HDX: variants seen among roughly 807,000 people sequenced by gnomAD.
The protein encoded by HDX is highly divergent homeobox.
HDX carries 19 observed loss-of-function variants against 45.2 expected under a neutral mutation model. The ratio of observed to expected loss-of-function variants is 0.42; its 90% CI spans 0.29 to 0.62. The LOEUF (loss-of-function observed/expected upper bound fraction) is 0.62, where lower values mean the gene tolerates loss of function less well. HDX is among the 20% of genes least tolerant of loss of function. HDX has a pLI of 0.20. For synonymous variants in HDX, 188 were observed against 172.8 expected (o/e 1.09, Z -0.69); for missense variants, 532 against 493.9 (o/e 1.08, Z -0.73).
intron 10 of HDX, among the ~76,000 whole-genome samples, chrX:84,324,791 A>G (rs768645036): frequency 2.2e-4 from 24 of 110,715 alleles, no homozygotes; most frequent in Admixed American, 7.8e-4. Context: ...ATTCACAACC[A>G]TGCTATGACT....
At chrX:84,332,166 G>A (rs985842205) in intron 9 of HDX, among the ~76,000 whole-genome samples, 3 of 110,971 alleles carry the variant, frequency 2.7e-5, no homozygotes, top group African/African-American at 6.5e-5. Flanking sequence ...CTTTCCCTTA[G>A]AAGTAACAAA....
chrX:84,403,013 T>C (rs1286465119), intron 5 of HDX, among the ~76,000 whole-genome samples: 1 of 111,706 alleles, frequency 9.0e-6, no homozygotes, highest in Admixed American at 9.6e-5. Context: ...AATTATATTT[T>C]TTAGTTTGAA....
At chrX:84,493,906 G>A (rs1174092028) in intron 1 of HDX, among the ~76,000 whole-genome samples, 2 of 111,241 alleles carry the variant, frequency 1.8e-5, no homozygotes, top group African/African-American at 6.5e-5. Context: ...GGAATGGATA[G>A]CCCATTTTCC....
intron 5 of HDX, among the ~76,000 whole-genome samples, chrX:84,423,277 AAACT>A (rs984019103): frequency 2.0e-3 from 219 of 110,431 alleles, no homozygotes; most frequent in African/African-American, 6.5e-3. Flanking sequence ...AAAAACAAAC[AAACT>A]AACTAACAAC....
chrX:84,361,424 C>T (rs1443912750), intron 6 of HDX, 42 bp downstream of exon 6: 1 of 1,148,284 alleles, frequency 8.7e-7, no homozygotes, highest in Non-Finnish European at 1.2e-6. Flanking sequence ...TCATTTATGC[C>T]ATTCAGCAAC....
chrX:84,494,693 T>G (rs1033241449), intron 1 of HDX, among the ~76,000 whole-genome samples: 1 of 111,687 alleles, frequency 9.0e-6, no homozygotes, highest in Non-Finnish European at 1.9e-5. Context: ...AAGCATAAAT[T>G]TATCCCCATT....
Position 84,383,310 on chromosome X carries a change from A to G in HDX, c.1306-21698T>C, listed in dbSNP as rs184731594. On this transcript the variant is annotated intron_variant, in intron 5 of 10. Transcript: ENST00000373177. The stretch of plus-strand genomic sequence containing the variant: ...TTTGTAATACTTCACATAAATTTTG[A>G]AATGTTATTTCATAATTGGTAATTG... Among the ~76,000 whole-genome samples, 463 of 111,752 alleles carry G rather than the reference A, an allele frequency of 4.1e-3. 4 individuals carry two copies. Among genetic ancestry groups the G allele is most frequent in the Non-Finnish European group, 6.0e-3 (316 of 52,989 alleles).
chrX:84,415,808 CACAA>C (rs1306050236), intron 5 of HDX, among the ~76,000 whole-genome samples: 4 of 111,902 alleles, frequency 3.6e-5, no homozygotes, highest in East Asian at 5.6e-4. Context: ...CCACAATTTC[CACAA>C]AGATAACAGT....
intron 4 of HDX, among the ~76,000 whole-genome samples, chrX:84,452,415 T>C (rs138879053): frequency 0.014 from 1,471 of 107,894 alleles, 36 homozygotes; most frequent in African/African-American, 0.048. Flanking sequence ...TTACAATAAC[T>C]ACAAAAAATA....
chrX:84,319,823 A>AC lies in HDX; in HGVS notation c.*2065_*2066insG, dbSNP rs2036565010. The AC allele has an allele frequency of 1.8e-5, 2 of 111,422 alleles. No homozygotes were observed. Among genetic ancestry groups the AC allele is most frequent in the Non-Finnish European group, 3.8e-5 (2 of 52,622 alleles). The allele number at this position is 111,422 out of a possible 1,213,427, so 9.2% of individuals were successfully genotyped here. On this transcript the variant is annotated 3_prime_UTR_variant, in exon 11 of 11. Coordinates refer to ENST00000373177, the MANE Select transcript of HDX (RefSeq NM_001177479.2). ...TTGTGATGTTTACAGCTTGCTGAGA[A>AC]ATCCAATGTCCAGCACAGTGTCTTC...
chrX:84,361,480 A>C lies in HDX; in HGVS notation c.1438T>G (p.Cys480Gly). Residue 480 changes from cysteine (C) to glycine (G), a missense_variant, in exon 6 of 11, where the codon TGT becomes GGT. By Grantham distance (159) the Cys-to-Gly change is radical. Coordinates refer to ENST00000373177, the MANE Select transcript of HDX (RefSeq NM_001177479.2). The part of the protein sequence containing the change: ...EAVATELNVD[C>G]EIVRTWIGNR... ...AAATGTCTTACCCGAACTATTTCACAGTCAACATTTAATTCAGTTGCCACA... is the reference window on the plus strand; with the variant it reads ...AAATGTCTTACCCGAACTATTTCACCGTCAACATTTAATTCAGTTGCCACA... 8.3e-7 allele frequency: 1 copy of C among 1,208,026 alleles called. No homozygotes were observed. Among genetic ancestry groups the C allele is most frequent in the Non-Finnish European group, 1.1e-6 (1 of 892,903 alleles).
At chrX:84,376,214 G>A (rs762834833) in intron 5 of HDX, among the ~76,000 whole-genome samples, 6 of 112,228 alleles carry the variant, frequency 5.3e-5, no homozygotes, top group East Asian at 5.6e-4. Context: ...CCCTTAGGCC[G>A]CGAATAGCTA....
chrX:84,338,918 C>T (rs2037025427), intron 7 of HDX, among the ~76,000 whole-genome samples: 1 of 111,269 alleles, frequency 9.0e-6, no homozygotes, highest in African/African-American at 3.3e-5. Flanking sequence ...CCATGTAAGA[C>T]CTGCCTGCTT....
chrX:84,360,610 AT>A (rs1350182771), intron 6 of HDX, among the ~76,000 whole-genome samples: 3 of 110,744 alleles, frequency 2.7e-5, no homozygotes, highest in African/African-American at 9.8e-5. Flanking sequence ...CCACTAACCT[AT>A]TTTCTGTCTC....
chrX:84,412,794 T>C (rs191148596), intron 5 of HDX, among the ~76,000 whole-genome samples: 26 of 111,929 alleles, frequency 2.3e-4, no homozygotes, highest in African/African-American at 8.4e-4. Context: ...TCTCCCTTTT[T>C]TGCAAGGATG....
At chrX:84,398,277 T>A (rs2038613892) in intron 5 of HDX, among the ~76,000 whole-genome samples, 1 of 110,274 alleles carries the variant, frequency 9.1e-6, no homozygotes, top group South Asian at 3.9e-4. Flanking sequence ...AGACATGGAG[T>A]GGCAAATTGG....
At chrX:84,390,293 A>T (rs952092160) in intron 5 of HDX, among the ~76,000 whole-genome samples, 3 of 111,827 alleles carry the variant, frequency 2.7e-5, no homozygotes, top group Non-Finnish European at 3.8e-5. Context: ...AAGTTGTAAA[A>T]TAATCTGTTA....
Position 84,336,809 on chromosome X carries a change from C to T in HDX, c.1732G>A (p.Asp578Asn). The T allele has an allele frequency of 8.7e-7, 1 of 1,151,761 alleles. No individual in the cohort carries two copies. The highest frequency in any genetic ancestry group is 1.2e-6 in the Non-Finnish European group (1 of 844,334). The allele number at this position is 1,151,761 out of a possible 1,213,427, so 94.9% of individuals were successfully genotyped here. The change falls in exon 8 of 11, where the codon GAT (aspartate) becomes AAT (asparagine). Residue 578 changes from aspartate to asparagine, a missense_variant. Physicochemically the swap from Asp to Asn is conservative, Grantham distance 23 (BLOSUM62 1). Coordinates refer to ENST00000373177, the MANE Select transcript of HDX (RefSeq NM_001177479.2). ...KEEDHHAVTTDNVKIEIIDDE... is the reference protein window; with the variant it reads ...KEEDHHAVTTNNVKIEIIDDE... ...TTTCAAACTGTACATACCACATTATCTGTGGTTACTGCATGGTGGTCCTCT... is the reference window on the plus strand; with the variant it reads ...TTTCAAACTGTACATACCACATTATTTGTGGTTACTGCATGGTGGTCCTCT...
chrX:84,374,166 A>C (rs1363161273), intron 5 of HDX, among the ~76,000 whole-genome samples: 83 of 111,355 alleles, frequency 7.5e-4, no homozygotes, highest in African/African-American at 1.9e-3. Flanking sequence ...ACAATTGCTT[A>C]AAAGAGAATA....
Sources: gnomAD v4.1 joint callset for allele counts (sites outside exome capture counted in the v4.1 genomes callset) on GRCh38, gnomAD v4.1.1 for gene constraint, MANE v1.5 for transcripts, NCBI Gene and HGNC (gene_info 2026-07-23, HGNC 2026-07-21) for gene names.